Variants in CCDC60 observed in about 807,000 individuals in gnomAD.
CCDC60 encodes coiled-coil domain-containing protein 60.
Under a neutral mutation model 63.5 loss-of-function variants are expected in CCDC60, and 54 were observed. The observed-to-expected ratio is 0.85, with a 90% CI of 0.68 to 1.07. CCDC60 has a LOEUF of 1.07. Ranked by LOEUF, CCDC60 falls within the 50% of genes least tolerant of loss-of-function variation. The pLI is 0.00. For missense variants in CCDC60, 651 were observed against 684.3 expected (o/e 0.95, Z 0.54); for synonymous variants, 206 against 238.8 (o/e 0.86, Z 1.27).
intron 12 of CCDC60, among the ~76,000 whole-genome samples, chr12:119,530,509 A>T (rs1247843775): frequency 6.6e-6 from 1 of 152,184 alleles, no homozygotes; most frequent in Admixed American, 6.5e-5. Flanking sequence ...CCTAGTAGAC[A>T]TCCCAAAGAT....
chr12:119,386,560 G>C (rs564855844), intron 1 of CCDC60, among the ~76,000 whole-genome samples: 4 of 151,940 alleles, frequency 2.6e-5, no homozygotes, highest in Non-Finnish European at 4.4e-5. Flanking sequence ...GCCATGGTGC[G>C]GTCGCACCAA....
intron 2 of CCDC60, among the ~76,000 whole-genome samples, chr12:119,467,002 C>T (rs575220485): frequency 1.3e-5 from 2 of 152,266 alleles, no homozygotes; most frequent in African/African-American, 4.8e-5. Flanking sequence ...GACACAATGA[C>T]CCAAAAGTTA....
At chr12:119,481,973 A>G (rs1951327316) in intron 4 of CCDC60, among the ~76,000 whole-genome samples, 1 of 144,792 alleles carries the variant, frequency 6.9e-6, no homozygotes, top group African/African-American at 2.5e-5. Flanking sequence ...TCATATATAT[A>G]TAGTATATAT....
At chr12:119,347,717 C>G (rs1473863031) in intron 1 of CCDC60, among the ~76,000 whole-genome samples, 3 of 152,080 alleles carry the variant, frequency 2.0e-5, no homozygotes, top group Admixed American at 6.5e-5. Flanking sequence ...ATATGAATAC[C>G]ATTCTAATAC....
intron 6 of CCDC60, among the ~76,000 whole-genome samples, chr12:119,503,149 C>T (rs1321679102): frequency 6.6e-6 from 1 of 152,106 alleles, no homozygotes; most frequent in Non-Finnish European, 1.5e-5. Flanking sequence ...TGCACTCCAG[C>T]CTGGGCAACA....
intron 5 of CCDC60, among the ~76,000 whole-genome samples, chr12:119,494,889 G>C (rs1951685043): frequency 6.6e-6 from 1 of 152,238 alleles, no homozygotes; most frequent in African/African-American, 2.4e-5. Context: ...GCTGAGGCAA[G>C]AGAATTGCTT....
Position 119,533,330 on chromosome 12 carries a change from A to T in CCDC60, c.1551+2267A>T, listed in dbSNP as rs149318332. 3.7e-4 allele frequency among the ~76,000 whole-genome samples: 56 copies of T among 152,260 alleles called. No individual in the cohort carries two copies. In the East Asian group the frequency reaches 0.01, roughly 28 times the overall value. On this transcript the variant is annotated intron_variant, in intron 13 of 13. Coordinates refer to ENST00000327554, the MANE Select transcript of CCDC60 (RefSeq NM_178499.5). ...ATTCTAGATATTAGCCCTTTGTCAGATGGGTAGATTGCAAAAATTTTCTCC... is the reference window on the plus strand; with the variant it reads ...ATTCTAGATATTAGCCCTTTGTCAGTTGGGTAGATTGCAAAAATTTTCTCC...
chr12:119,385,933 C>G (rs1021735815), intron 1 of CCDC60, among the ~76,000 whole-genome samples: 4 of 152,204 alleles, frequency 2.6e-5, no homozygotes, highest in African/African-American at 7.2e-5. Context: ...CTTTATTCAA[C>G]TCCTCCTCCA....
At chr12:119,466,464 T>C (rs1455148716) in intron 2 of CCDC60, among the ~76,000 whole-genome samples, 1 of 152,202 alleles carries the variant, frequency 6.6e-6, no homozygotes, top group African/African-American at 2.4e-5. Context: ...AAATTGGAAA[T>C]TGGGATTAAT....
chr12:119,378,814 T>C (rs1394910548), intron 1 of CCDC60, among the ~76,000 whole-genome samples: 1 of 152,226 alleles, frequency 6.6e-6, no homozygotes, highest in Non-Finnish European at 1.5e-5. Context: ...CAGGCCAAGA[T>C]TGACACAGGC....
chr12:119,407,757 C>T (rs7301881), intron 1 of CCDC60, among the ~76,000 whole-genome samples: 112,357 of 151,942 alleles, frequency 0.74, 42,873 homozygotes, highest in African/African-American at 0.93. Flanking sequence ...TTTTTTAACC[C>T]ATAAAATGGG....
intron 5 of CCDC60, among the ~76,000 whole-genome samples, chr12:119,498,396 G>A (rs899756833): frequency 6.6e-6 from 1 of 151,760 alleles, no homozygotes; most frequent in East Asian, 1.9e-4. Context: ...GCAATGGTGC[G>A]ATCTCGGCTC....
intron 7 of CCDC60, among the ~76,000 whole-genome samples, chr12:119,510,773 A>G (rs1839480887): frequency 6.6e-6 from 1 of 152,132 alleles, no homozygotes. Context: ...TCACACTCAC[A>G]TTCTAGGATG....
intron 2 of CCDC60, among the ~76,000 whole-genome samples, chr12:119,429,107 T>G (rs1188518063): frequency 6.6e-6 from 1 of 152,204 alleles, no homozygotes; most frequent in African/African-American, 2.4e-5. Context: ...AGAGTCGTTC[T>G]CAAATTCTGG....
chr12:119,519,246 G>A (rs1259343607), intron 8 of CCDC60, among the ~76,000 whole-genome samples: 2 of 152,044 alleles, frequency 1.3e-5, no homozygotes, highest in Non-Finnish European at 2.9e-5. Flanking sequence ...AGGCCGGGCT[G>A]CCCCCTAGCC....
chr12:119,396,484 T>TG (rs775850908), intron 1 of CCDC60, among the ~76,000 whole-genome samples: 3 of 152,036 alleles, frequency 2.0e-5, no homozygotes, highest in Non-Finnish European at 4.4e-5. Context: ...GATGCAGCAG[T>TG]GGAACAGGGA....
At position 119,468,052 on chromosome 12, in the gene CCDC60, G is replaced by A. The variant is rs182301180; in HGVS notation, c.171-3942G>A. Reference sequence around the variant, plus strand: ...CACTTTGGGAGGCCGAGGTGGGTGGGTCATAAGATCAGGAGTTCAAGACCA... The same window carrying A: ...CACTTTGGGAGGCCGAGGTGGGTGGATCATAAGATCAGGAGTTCAAGACCA... On this transcript the variant is annotated intron_variant, in intron 2 of 13. Coordinates refer to ENST00000327554, the MANE Select transcript of CCDC60 (RefSeq NM_178499.5). Among the ~76,000 whole-genome samples the A allele has an allele frequency of 2.2e-4, 34 of 151,876 alleles. 2 individuals carry two copies. The highest frequency in any genetic ancestry group is 1.8e-3 in the Admixed American group (27 of 15,250).
intron 1 of CCDC60, among the ~76,000 whole-genome samples, chr12:119,361,853 A>G (rs1955794242): frequency 6.6e-6 from 1 of 152,246 alleles, no homozygotes; most frequent in Non-Finnish European, 1.5e-5. Flanking sequence ...AGCCACTAAA[A>G]TGAACAAGGT....
At chr12:119,344,872 C>CAT (rs1368528453) in intron 1 of CCDC60, among the ~76,000 whole-genome samples, 6 of 150,834 alleles carry the variant, frequency 4.0e-5, no homozygotes, top group African/African-American at 1.5e-4. Context: ...CACACACACA[C>CAT]ACACACACAC....
Sources: allele counts gnomAD v4.1 joint callset (sites outside exome capture counted in the v4.1 genomes callset), GRCh38; gene constraint gnomAD v4.1.1; transcripts MANE v1.5; gene names NCBI Gene and HGNC (gene_info 2026-07-23, HGNC 2026-07-21).